Variants in CLEC16A observed in about 807,000 individuals in gnomAD.
CLEC16A encodes the protein protein CLEC16A.
Under a neutral mutation model 109.5 loss-of-function variants are expected in CLEC16A, and 51 were observed. That is an observed-to-expected ratio of 0.47 (90% CI 0.37 to 0.59). CLEC16A has a LOEUF of 0.59. Ranked by LOEUF, CLEC16A falls within the 20% of genes least tolerant of loss-of-function variation. The probability of loss-of-function intolerance (pLI) is 0.00; values close to 1 mark genes in which losing one functional copy is unlikely to be tolerated. For missense variants in CLEC16A, 1,339 were observed against 1,394.0 expected (o/e 0.96, Z 0.63); for synonymous variants, 673 against 564.2 (o/e 1.19, Z -2.73).
chr16:11,009,931 A>G (rs1350806857), intron 11 of CLEC16A, among the ~76,000 whole-genome samples: 1 of 152,136 alleles, frequency 6.6e-6, no homozygotes, highest in East Asian at 1.9e-4. Flanking sequence ...ACACAAGAGG[A>G]TCACCTGAGC....
chr16:11,141,324 C>G (rs558721753), intron 22 of CLEC16A, among the ~76,000 whole-genome samples: 11 of 152,368 alleles, frequency 7.2e-5, no homozygotes, highest in African/African-American at 2.4e-4. Flanking sequence ...CCAAGTGCCT[C>G]CTGCAACCCG....
intron 13 of CLEC16A, among the ~76,000 whole-genome samples, chr16:11,035,761 C>T (rs753146573): frequency 2.0e-5 from 3 of 152,236 alleles, no homozygotes; most frequent in East Asian, 1.9e-4. Context: ...TCTCCTCCTT[C>T]CTTCCAAAGA....
Position 11,178,827 on chromosome 16 carries a change from T to G in CLEC16A, c.*137T>G. 4 of 616,362 alleles carry G rather than the reference T, an allele frequency of 6.5e-6. No homozygotes were observed. The highest frequency in any genetic ancestry group is 1.1e-5 in the Non-Finnish European group (4 of 365,594). 38.2% of individuals were successfully genotyped at this position (616,362 alleles called of 1,614,324 possible). ...CCATCTCAACCACCTATCCCTGCGC[T>G]CCCTTGAATGGGAAGAAGCCCCACG... On this transcript the variant is annotated 3_prime_UTR_variant, in exon 24 of 24. Transcript: ENST00000409790. The surrounding 1 kb of genome is among the most constrained non-coding windows in gnomAD (Gnocchi z 6.5).
intron 1 of CLEC16A, among the ~76,000 whole-genome samples, chr16:10,956,828 G>T (rs138046643): frequency 1.3e-5 from 2 of 151,690 alleles, no homozygotes; most frequent in South Asian, 2.1e-4. Flanking sequence ...TTAGACTCTC[G>T]CTCTGTCACC....
chr16:11,090,950 A>G (rs1412940540), intron 19 of CLEC16A, among the ~76,000 whole-genome samples: 2 of 151,018 alleles, frequency 1.3e-5, no homozygotes, highest in Non-Finnish European at 2.9e-5. Flanking sequence ...GATTACAGGC[A>G]TGAGCCACGG....
intron 16 of CLEC16A, among the ~76,000 whole-genome samples, chr16:11,045,263 G>A (rs945864535): frequency 2.6e-5 from 4 of 152,164 alleles, no homozygotes; most frequent in African/African-American, 9.7e-5. Context: ...TGGGAGGATG[G>A]CATGAACTGG....
At chr16:11,134,035 A>G (rs1178374859) in intron 22 of CLEC16A, among the ~76,000 whole-genome samples, 1 of 152,166 alleles carries the variant, frequency 6.6e-6, no homozygotes, top group African/African-American at 2.4e-5. Context: ...CTCAGAAGGA[A>G]GATGTTACCA....
chr16:11,031,108 T>A lies in CLEC16A; in HGVS notation c.1537+6187T>A, dbSNP rs536644968. On this transcript the variant is annotated intron_variant, in intron 13 of 23. Coordinates refer to ENST00000409790, the MANE Select transcript of CLEC16A (RefSeq NM_015226.3). ...CTCTCCCATTCTGGACTGCTAGGCC[T>A]TGGAAGGCAGAAACCATGTGCTCCC... is the stretch of plus-strand genomic sequence containing the variant. 3.9e-5 allele frequency among the ~76,000 whole-genome samples: 6 copies of A among 152,306 alleles called. No individual in the cohort carries two copies. In the South Asian group the frequency reaches 1.2e-3, roughly 32 times the overall value.
chr16:11,124,956 G>A (rs1485161596), intron 21 of CLEC16A, among the ~76,000 whole-genome samples: 1 of 152,164 alleles, frequency 6.6e-6, no homozygotes, highest in Non-Finnish European at 1.5e-5. Context: ...AGGCGTGGTG[G>A]CATACGCCTG....
intron 19 of CLEC16A, among the ~76,000 whole-genome samples, chr16:11,109,387 C>G (rs556376276): frequency 6.6e-6 from 1 of 152,192 alleles, no homozygotes; most frequent in East Asian, 1.9e-4. Context: ...CTCCTGGGCT[C>G]AAGTAATCCT....
At chr16:11,043,204 AG>A (rs2047444669) in intron 15 of CLEC16A, among the ~76,000 whole-genome samples, 1 of 152,124 alleles carries the variant, frequency 6.6e-6, no homozygotes, top group African/African-American at 2.4e-5. Context: ...GGATCACTTG[AG>A]GCCAAGAAGT....
At chr16:11,120,833 C>G (rs1322230822) in intron 20 of CLEC16A, 67 bp downstream of exon 20, 12 of 1,200,738 alleles carry the variant, frequency 1.0e-5, no homozygotes, top group Middle Eastern at 2.3e-4. Context: ...CACACACACA[C>G]ACACACCACA....
intron 1 of CLEC16A, among the ~76,000 whole-genome samples, chr16:10,945,053 G>A (rs1469414185): frequency 6.6e-6 from 1 of 152,208 alleles, no homozygotes; most frequent in Non-Finnish European, 1.5e-5. Flanking sequence ...AAAGCGAGAG[G>A]ATGCGATTTC....
At chr16:11,160,733 C>T (rs1169037899) in intron 22 of CLEC16A, among the ~76,000 whole-genome samples, 1 of 152,212 alleles carries the variant, frequency 6.6e-6, no homozygotes, top group Non-Finnish European at 1.5e-5. Context: ...ATTTCCCTCT[C>T]GGGTAAAAGA....
At chr16:11,144,769 G>C (rs1172285671) in intron 22 of CLEC16A, among the ~76,000 whole-genome samples, 1 of 152,228 alleles carries the variant, frequency 6.6e-6, no homozygotes, top group African/African-American at 2.4e-5. Flanking sequence ...TGGCTCTAGC[G>C]TGCTTGGGGT....
intron 13 of CLEC16A, among the ~76,000 whole-genome samples, chr16:11,025,232 T>A (rs538391609): frequency 7.2e-5 from 11 of 152,326 alleles, no homozygotes; most frequent in African/African-American, 2.6e-4. Context: ...TACAACTGAC[T>A]TAGCGTCTGA....
At chr16:11,122,593 G>C (rs147287342) in intron 20 of CLEC16A, among the ~76,000 whole-genome samples, 1 of 152,160 alleles carries the variant, frequency 6.6e-6, no homozygotes, top group African/African-American at 2.4e-5. Context: ...TTTGATGGGG[G>C]TGTTATCTCC....
Position 11,179,650 on chromosome 16 carries a change from G to A in CLEC16A, c.*960G>A, listed in dbSNP as rs1210516448. 1 of 152,224 alleles carries A rather than the reference G, an allele frequency of 6.6e-6. No individual in the cohort carries two copies. The highest frequency in any genetic ancestry group is 2.4e-5 in the African/African-American group (1 of 41,446). The allele number at this position is 152,224 out of a possible 1,614,324, so 9.4% of individuals were successfully genotyped here. On this transcript the variant is annotated 3_prime_UTR_variant, in exon 24 of 24. Transcript: ENST00000409790. The stretch of plus-strand genomic sequence containing the variant: ...CTAAGAAGGAACCAGTTGGGACCGT[G>A]AAGACTCCCGACCCTGTGGCCATGA...
At chr16:11,116,614 T>G (rs1251800378) in intron 19 of CLEC16A, among the ~76,000 whole-genome samples, 3 of 152,124 alleles carry the variant, frequency 2.0e-5, no homozygotes. Flanking sequence ...AGGCATATGT[T>G]GCTGGGGGTT....
Sources: gnomAD v4.1 joint callset for allele counts (sites outside exome capture counted in the v4.1 genomes callset) on GRCh38, gnomAD v4.1.1 for gene constraint, Gnocchi (gnomAD v3.1) non-coding constraint, MANE v1.5 for transcripts, NCBI Gene and HGNC (gene_info 2026-07-23, HGNC 2026-07-21) for gene names.